Variants in INSR observed in about 807,000 individuals in gnomAD.
INSR encodes IR.
In INSR, 67 loss-of-function variants were observed where a neutral mutation model predicts 142.6. The observed-to-expected ratio is 0.47, with a 90% CI of 0.39 to 0.58. The LOEUF (loss-of-function observed/expected upper bound fraction) is 0.58, where lower values mean the gene tolerates loss of function less well. Among genes scored for constraint, INSR ranks in the 20% least tolerant of loss-of-function variants. The pLI is 0.00. For synonymous variants in INSR, 756 were observed against 743.1 expected (o/e 1.02, Z -0.28); for missense variants, 1,248 against 1,833.2 (o/e 0.68, Z 5.83).
At chr19:7,256,234 T>C (rs77431689) in intron 2 of INSR, among the ~76,000 whole-genome samples, 11,478 of 152,114 alleles carry the variant, frequency 0.075, 624 homozygotes, top group Middle Eastern at 0.12. Flanking sequence ...GGTCAGGAGT[T>C]CGAGACCACC....
rs966715262 is a variant in INSR at position 7,270,351 on chromosome 19, A to T, written c.101-2455T>A. Among the ~76,000 whole-genome samples, 1,157 of 144,662 alleles carry T rather than the reference A, an allele frequency of 8.0e-3. 19 individuals carry two copies. Among genetic ancestry groups the T allele is most frequent in the African/African-American group, 0.028 (1,098 of 38,922 alleles). The allele number at this position is 144,662 out of a possible 152,430, so 94.9% of individuals were successfully genotyped here. A position where few individuals can be genotyped will look rare whatever the true frequency, so the allele number is the denominator to read the frequency against. On this transcript the variant is annotated intron_variant, in intron 1 of 21. Coordinates refer to ENST00000302850, the MANE Select transcript of INSR (RefSeq NM_000208.4). ...CTCTCTCTCTCTCTCACACACACACACACACACACACACACACACACACAC... is the reference window on the plus strand; with the variant it reads ...CTCTCTCTCTCTCTCACACACACACTCACACACACACACACACACACACAC...
At chr19:7,227,572 C>T (rs1975826405) in intron 2 of INSR, among the ~76,000 whole-genome samples, 1 of 152,120 alleles carries the variant, frequency 6.6e-6, no homozygotes, top group Non-Finnish European at 1.5e-5. Context: ...TGCACCCGGT[C>T]AACATTTGCA....
intron 2 of INSR, among the ~76,000 whole-genome samples, chr19:7,244,629 T>G (rs1410281982): frequency 2.0e-5 from 3 of 152,210 alleles, no homozygotes; most frequent in Non-Finnish European, 4.4e-5. Flanking sequence ...ATTTATGGAT[T>G]TTAACCCATT....
intron 1 of INSR, among the ~76,000 whole-genome samples, chr19:7,291,619 A>G (rs1453114531): frequency 1.3e-5 from 2 of 151,812 alleles, no homozygotes; most frequent in Non-Finnish European, 2.9e-5. Flanking sequence ...CAAACCATAA[A>G]CCCCTGCCCA....
At chr19:7,187,605 C>G (rs7257324) in intron 2 of INSR, among the ~76,000 whole-genome samples, 11,650 of 152,160 alleles carry the variant, frequency 0.077, 608 homozygotes, top group Middle Eastern at 0.12. Context: ...GGGTCTGGCT[C>G]TGTCACTTAG....
chr19:7,166,252 T>A lies in INSR; in HGVS notation c.1763A>T (p.Gln588Leu). The A allele has an allele frequency of 6.2e-7, 1 of 1,614,166 alleles. No individual in the cohort carries two copies. The change falls in exon 8 of 22, where the codon CAG becomes CTG. Residue 588 changes from glutamine (Q) to leucine (L), a missense_variant. Physicochemically the swap from Gln to Leu is moderately radical, Grantham distance 113. Around this residue, in one of 3 missense-constraint regions of INSR, gnomAD observed 1,069 missense variants for 1,654.0 expected, o/e 0.65. Coordinates refer to ENST00000302850, the MANE Select transcript of INSR (RefSeq NM_000208.4). The surrounding 1 kb of genome is among the most constrained non-coding windows in gnomAD (Gnocchi z 4.1). ...WLMRGLKPWT[Q>L]YAIFVKTLVT... ...CAGGGTCTTCACAAAGATGGCATACTGGGTCCAGGGCTTGAGACCCCGCAT... is the reference window on the plus strand; with the variant it reads ...CAGGGTCTTCACAAAGATGGCATACAGGGTCCAGGGCTTGAGACCCCGCAT...
At chr19:7,200,546 A>AGT (rs1974924040) in intron 2 of INSR, among the ~76,000 whole-genome samples, 2 of 150,600 alleles carry the variant, frequency 1.3e-5, no homozygotes, top group Non-Finnish European at 2.9e-5. Flanking sequence ...ATAAATAAAA[A>AGT]ATTAAAAATT....
intron 2 of INSR, among the ~76,000 whole-genome samples, chr19:7,204,209 ATT>A (rs11368513): frequency 7.3e-5 from 11 of 150,084 alleles, no homozygotes; most frequent in African/African-American, 2.4e-4. Flanking sequence ...TGCCCAACTA[ATT>A]TTTTTTTTTA....
intron 1 of INSR, among the ~76,000 whole-genome samples, chr19:7,284,776 C>G (rs557896486): frequency 6.6e-6 from 1 of 152,286 alleles, no homozygotes; most frequent in East Asian, 1.9e-4. Context: ...GATCCACTCG[C>G]CTCGGACTCC....
At chr19:7,194,109 CA>C (rs1974672808) in intron 2 of INSR, among the ~76,000 whole-genome samples, 1 of 152,146 alleles carries the variant, frequency 6.6e-6, no homozygotes, top group African/African-American at 2.4e-5. Flanking sequence ...AGAGCTTTTA[CA>C]AAGGTTCTCT....
intron 2 of INSR, among the ~76,000 whole-genome samples, chr19:7,186,586 C>A (rs1166163748): frequency 6.6e-6 from 1 of 152,152 alleles, no homozygotes; most frequent in East Asian, 1.9e-4. Context: ...TCACCACCAC[C>A]CATCTCCAGA....
chr19:7,135,090 T>TAAAAA lies in INSR; in HGVS notation c.2683-2778_2683-2774dup, dbSNP rs5826960. Among the ~76,000 whole-genome samples the TAAAAA allele has an allele frequency of 1.6e-3, 129 of 78,420 alleles. 1 individual carries two copies. The highest frequency in any genetic ancestry group is 5.5e-3 in the African/African-American group (98 of 17,798). 51.4% of individuals were successfully genotyped at this position (78,420 alleles called of 152,430 possible). On this transcript the variant is annotated intron_variant, in intron 13 of 21. Transcript: ENST00000302850. ...GAGAGTGGAGAAGAGAAAGAAATGT[T>TAAAAA]AAAAAAAAAAAAAAAAAAAAAGCCA...
intron 9 of INSR, among the ~76,000 whole-genome samples, chr19:7,153,289 C>CAT (rs1451644340): frequency 3.0e-5 from 4 of 134,296 alleles, no homozygotes; most frequent in East Asian, 2.8e-4. Flanking sequence ...CCACACCACA[C>CAT]ACCGCACACA....
rs191248708 is a variant in INSR at position 7,141,936 on chromosome 19, G to A, written c.2543-120C>T. ...CATTTTCCCACAACCCATTTTCCTC[G>A]TCAGAGAACGGACATCTAAAACTCA... On this transcript the variant is annotated intron_variant, in intron 12 of 21. Coordinates refer to ENST00000302850, the MANE Select transcript of INSR (RefSeq NM_000208.4). 1,971 of 778,946 alleles carry A rather than the reference G, an allele frequency of 2.5e-3. 10 individuals carry two copies. The highest frequency in any genetic ancestry group is 8.3e-3 in the Middle Eastern group (29 of 3,490). 48.3% of individuals were successfully genotyped at this position (778,946 alleles called of 1,614,324 possible).
At chr19:7,229,332 A>ATGGATGGATAGATG (rs1568204425) in intron 2 of INSR, among the ~76,000 whole-genome samples, 21 of 81,998 alleles carry the variant, frequency 2.6e-4, no homozygotes, top group South Asian at 1.4e-3. Context: ...ATGGATGGAT[A>ATGGATGGATAGATG]GATGGATGGA....
intron 2 of INSR, among the ~76,000 whole-genome samples, chr19:7,206,045 G>A (rs143321107): frequency 2.0e-4 from 30 of 152,280 alleles, no homozygotes; most frequent in African/African-American, 6.5e-4. Flanking sequence ...ATGTGCAGAC[G>A]GGAACCATCG....
chr19:7,206,632 C>T (rs995338545), intron 2 of INSR, among the ~76,000 whole-genome samples: 9 of 152,162 alleles, frequency 5.9e-5, no homozygotes, highest in Non-Finnish European at 1.2e-4. Flanking sequence ...TGATCTGTCA[C>T]TGTCTCCCGT....
chr19:7,194,341 C>T (rs1404459954), intron 2 of INSR, among the ~76,000 whole-genome samples: 1 of 151,760 alleles, frequency 6.6e-6, no homozygotes, highest in Non-Finnish European at 1.5e-5. Flanking sequence ...TGCTTGAACC[C>T]AGGAGGCAGT....
chr19:7,260,670 G>A (rs1443439471), intron 2 of INSR, among the ~76,000 whole-genome samples: 1 of 151,944 alleles, frequency 6.6e-6, no homozygotes, highest in Non-Finnish European at 1.5e-5. Context: ...CTTACTTACT[G>A]GAAGCTTCCA....
Sources: gnomAD v4.1 joint callset for allele counts (sites outside exome capture counted in the v4.1 genomes callset) on GRCh38, gnomAD v4.1.1 for gene constraint, gnomAD v4.1.1 regional missense constraint, Gnocchi (gnomAD v3.1) non-coding constraint, MANE v1.5 for transcripts, NCBI Gene and HGNC (gene_info 2026-07-23, HGNC 2026-07-21) for gene names.